JUP: variants seen among roughly 807,000 people sequenced by gnomAD.
JUP encodes the protein catenin (cadherin-associated protein), gamma 80kDa.
JUP carries 28 observed loss-of-function variants against 71.1 expected under a neutral mutation model. That is an observed-to-expected ratio of 0.39 (90% CI 0.29 to 0.54). The LOEUF is 0.54. Ranked by LOEUF, JUP falls within the 20% of genes least tolerant of loss-of-function variation. The probability of loss-of-function intolerance (pLI) is 0.62; values close to 1 mark genes in which losing one functional copy is unlikely to be tolerated. For missense variants in JUP, 869 were observed against 1,030.1 expected, an observed-to-expected ratio of 0.84 and a Z score of 2.14; for synonymous variants, 401 against 438.9, an observed-to-expected ratio of 0.91 and a Z score of 1.08.
Position 41,776,899 on chromosome 17 carries a change from G to A in JUP, c.-8-5037C>T, listed in dbSNP as rs148239056. 6.6e-3 allele frequency among the ~76,000 whole-genome samples: 999 copies of A among 152,234 alleles called. 12 individuals are homozygous for A. Among genetic ancestry groups the A allele is most frequent in the African/African-American group, 0.023 (971 of 41,530 alleles). ...TGGGCACCTGTAATCCCAGCTACTC[G>A]GGAGGCTGAGGCAGGCGAATCACTT... On this transcript the variant is annotated intron_variant, in intron 1 of 13. Transcript: ENST00000393931.
intron 5 of JUP, among the ~76,000 whole-genome samples, chr17:41,766,514 A>G (rs1465778842): frequency 6.6e-6 from 1 of 152,126 alleles, no homozygotes; most frequent in African/African-American, 2.4e-5. Flanking sequence ...TGAGCCCAGG[A>G]GTTTGAGACC....
intron 5 of JUP, among the ~76,000 whole-genome samples, chr17:41,767,046 C>CAAA (rs57624378): frequency 1.3e-5 from 1 of 75,672 alleles, no homozygotes; most frequent in African/African-American, 4.1e-5. Context: ...GACCCTGTCT[C>CAAA]AAAAAAAAAA....
Position 41,757,648 on chromosome 17 carries a change from C to T in JUP, c.1910G>A (p.Arg637His), listed in dbSNP as rs142095597. The change falls in exon 11 of 14, where the codon CGC (arginine) becomes CAC (histidine). Residue 637 changes from arginine to histidine, a missense_variant. Coordinates refer to ENST00000393931, the MANE Select transcript of JUP (RefSeq NM_002230.4). ...SAPLMELLHS[R>H]NEGTATYAAA... ...CCCCAGCTCACCAGTGCCCTCGTTG[C>T]GGGAGTGCAGCAACTCCATGAGTGG... 5.0e-5 allele frequency: 81 copies of T among 1,613,416 alleles called. No individual in the cohort carries two copies. In the African/African-American group the frequency reaches 8.9e-4, roughly 18 times the overall value.
chr17:41,766,210 C>T (rs1420753427), intron 5 of JUP, among the ~76,000 whole-genome samples: 2 of 151,748 alleles, frequency 1.3e-5, no homozygotes, highest in African/African-American at 4.8e-5. Flanking sequence ...TAGGATCATG[C>T]CACTGCACTC....
chr17:41,768,629 G>A (rs1916083776), intron 4 of JUP, among the ~76,000 whole-genome samples: 1 of 152,056 alleles, frequency 6.6e-6, no homozygotes, highest in Non-Finnish European at 1.5e-5. Context: ...AGTTTGCAAG[G>A]GACTTTGCAT....
intron 1 of JUP, among the ~76,000 whole-genome samples, chr17:41,782,408 C>T (rs1443716382): frequency 9.2e-5 from 14 of 152,194 alleles, no homozygotes; most frequent in South Asian, 4.1e-4. Flanking sequence ...AGGCCTAAAT[C>T]GGACTCTCGT....
Position 41,763,158 on chromosome 17 carries a change from G to A in JUP, c.1322C>T (p.Ala441Val). Residue 441 changes from alanine (A) to valine (V), a missense_variant, in exon 8 of 14, where the codon GCC becomes GTC. Transcript: ENST00000393931. ...GTCCTTGTCACCAGCACGCAGGATG[G>A]CATGGATGAGAGCCTCCACACCGCT... The part of the protein sequence containing the change: ...QNSGVEALIH[A>V]ILRAGDKDDI... The A allele has an allele frequency of 6.2e-7, 1 of 1,614,240 alleles. No homozygotes were observed. Among genetic ancestry groups the A allele is most frequent in the Middle Eastern group, 1.6e-4 (1 of 6,062 alleles).
chr17:41,768,832 C>A, intron 4 of JUP, 137 bp downstream of exon 4: 1 of 739,754 alleles, frequency 1.4e-6, no homozygotes, highest in South Asian at 1.5e-5. Context: ...TGTGAGCCAC[C>A]GAGCACCCGG....
At chr17:41,758,307 A>C in intron 10 of JUP, 92 bp downstream of exon 10, 391 of 1,556,998 alleles carry the variant, frequency 2.5e-4, no homozygotes, top group Non-Finnish European at 3.1e-4. Context: ...ACCTCTTGAT[A>C]CCTGGTCCAG....
chr17:41,762,779 A>G (rs1915105876), intron 8 of JUP, among the ~76,000 whole-genome samples: 1 of 152,244 alleles, frequency 6.6e-6, no homozygotes, highest in Admixed American at 6.5e-5. Flanking sequence ...AGGGGCTGGT[A>G]GAGCTACAAG....
Position 41,764,623 on chromosome 17 carries a change from C to T in JUP, c.1158+90G>A. 5 of 988,560 alleles carry T rather than the reference C, an allele frequency of 5.1e-6. No homozygotes were observed. In the South Asian group the frequency reaches 6.4e-5, roughly 13 times the overall value. The allele number at this position is 988,560 out of a possible 1,614,324, so 61.2% of individuals were successfully genotyped here. A position where few individuals can be genotyped will look rare whatever the true frequency, so the allele number is the denominator to read the frequency against. On this transcript the variant is annotated intron_variant, in intron 7 of 13. Coordinates refer to ENST00000393931, the MANE Select transcript of JUP (RefSeq NM_002230.4). ...GGAAGAGAGATTTAGAGCCCCCAGT[C>T]CTCCCACAGTACCTCAGGTCAGATG...
In JUP at chr17:41,755,386, C is replaced by G; in HGVS notation, c.*358G>C. ...TTCCCCAGCTCAGGCACTTTTCTGT[C>G]TTGCCCCATCGCCTGCACGGAGAGC... On this transcript the variant is annotated 3_prime_UTR_variant, in exon 14 of 14. Transcript: ENST00000393931. The G allele has an allele frequency of 7.3e-6, 3 of 409,924 alleles. No individual in the cohort carries two copies. The allele number at this position is 409,924 out of a possible 1,614,324, so 25.4% of individuals were successfully genotyped here. A position where few individuals can be genotyped will look rare whatever the true frequency, so the allele number is the denominator to read the frequency against.
At chr17:41,759,611 G>A (rs1355610711) in intron 8 of JUP, among the ~76,000 whole-genome samples, 1 of 152,086 alleles carries the variant, frequency 6.6e-6, no homozygotes, top group African/African-American at 2.4e-5. Context: ...ATCCCCAGCA[G>A]GGCAGCTCTG....
At chr17:41,759,060 T>C (rs1555599996) in intron 8 of JUP, among the ~76,000 whole-genome samples, 190 bp from the exon 9 acceptor site, 1 of 147,504 alleles carries the variant, frequency 6.8e-6, no homozygotes, top group Non-Finnish European at 1.5e-5. Context: ...CTGGGAGTGC[T>C]CATGGCTAAT....
chr17:41,782,174 C>T (rs1555610459), intron 1 of JUP, among the ~76,000 whole-genome samples: 1 of 152,188 alleles, frequency 6.6e-6, no homozygotes, highest in African/African-American at 2.4e-5. Context: ...GCAGAGACAC[C>T]AGAACCAGGC....
At chr17:41,759,294 C>G (rs903954544) in intron 8 of JUP, among the ~76,000 whole-genome samples, 1 of 152,038 alleles carries the variant, frequency 6.6e-6, no homozygotes, top group African/African-American at 2.4e-5. Flanking sequence ...AGGCTGGCCT[C>G]GAACCCCTGA....
chr17:41,782,930 C>T (rs1409340669), intron 1 of JUP, among the ~76,000 whole-genome samples: 3 of 151,996 alleles, frequency 2.0e-5, no homozygotes, highest in Admixed American at 2.0e-4. Flanking sequence ...AACCCCATCT[C>T]TACTAAAAAT....
intron 7 of JUP, among the ~76,000 whole-genome samples, chr17:41,764,451 C>T (rs978564759): frequency 7.0e-6 from 1 of 143,286 alleles, no homozygotes; most frequent in African/African-American, 2.6e-5. Context: ...AGGAGAATCA[C>T]TTGAGCCCAG....
At chr17:41,762,847 A>G in intron 8 of JUP, 136 bp downstream of exon 8, 1 of 718,922 alleles carries the variant, frequency 1.4e-6, no homozygotes, top group Non-Finnish European at 2.4e-6. Flanking sequence ...CTAAACTATT[A>G]CACGAGAGAG....
Sources: gnomAD v4.1 joint callset for allele counts (sites outside exome capture counted in the v4.1 genomes callset) on GRCh38, gnomAD v4.1.1 for gene constraint, MANE v1.5 for transcripts, NCBI Gene and HGNC (gene_info 2026-07-23, HGNC 2026-07-21) for gene names.